TRAF2: variants seen among roughly 807,000 people sequenced by gnomAD.
The protein encoded by TRAF2 is TNF receptor associated factor 2.
TRAF2 carries 6 observed loss-of-function variants against 55.6 expected under a neutral mutation model. The ratio of observed to expected loss-of-function variants is 0.11; its 90% CI spans 0.06 to 0.21. TRAF2 has a LOEUF of 0.21. Among genes scored for constraint, TRAF2 ranks in the 10% least tolerant of loss-of-function variants. The pLI is 1.00. For missense variants in TRAF2, 561 were observed against 684.5 expected, an observed-to-expected ratio of 0.82 and a Z score of 2.01; for synonymous variants, 329 against 276.3, an observed-to-expected ratio of 1.19 and a Z score of -1.89.
rs890838749 is a variant in TRAF2, at chr9:136,921,279, C to T, written c.1138+64C>T. The T allele has an allele frequency of 6.3e-6, 10 of 1,594,612 alleles. No individual in the cohort carries two copies. The South Asian group carries it at 8.9e-5, about 14-fold the overall frequency. ...TTACTTGGCACCTGGGTCCCCTCACCCCTGTGACCACATAGGATGGCTCCC... is the reference window on the plus strand; with the variant it reads ...TTACTTGGCACCTGGGTCCCCTCACTCCTGTGACCACATAGGATGGCTCCC... On this transcript the variant is annotated intron_variant, in intron 9 of 10. Transcript: ENST00000247668.
At chr9:136,925,509 G>A (rs552584273) in intron 10 of TRAF2, among the ~76,000 whole-genome samples, 174 bp from the exon 11 acceptor site, 19 of 151,508 alleles carry the variant, frequency 1.3e-4, no homozygotes, top group South Asian at 6.2e-4. Flanking sequence ...TGGGGAGCCC[G>A]GGCGCTGTGG....
intron 1 of TRAF2, among the ~76,000 whole-genome samples, chr9:136,898,240 CA>C (rs1849731417): frequency 6.6e-6 from 1 of 152,224 alleles, no homozygotes; most frequent in Non-Finnish European, 1.5e-5. Context: ...TGCCAGCAGG[CA>C]GGCGTCTCCT....
intron 1 of TRAF2, among the ~76,000 whole-genome samples, chr9:136,890,040 C>G (rs1162578216): frequency 1.4e-4 from 19 of 138,438 alleles, no homozygotes; most frequent in Admixed American, 9.7e-4. Context: ...TGTGTGAGTC[C>G]CCCCCGCACG....
intron 1 of TRAF2, among the ~76,000 whole-genome samples, chr9:136,890,808 G>A (rs1019767253): frequency 6.6e-6 from 1 of 152,222 alleles, no homozygotes; most frequent in Non-Finnish European, 1.5e-5. Context: ...CTGGGGTTGT[G>A]TTTTCATTTG....
rs1850373159 is a variant in TRAF2, at chr9:136,921,070, G to A, written c.993G>A (p.Lys331=). ...AGCTGGAGAGGAGCATTGGCCTCAA[G>A]GACCTGGCGATGGCTGACTTGGAGC... ...VQQLERSIGL[K]DLAMADLEQK... is the part of the protein sequence containing the mutation. Residue 331 remains lysine (K), a synonymous_variant, in exon 9 of 11, where the codon AAG becomes AAA. Coordinates refer to ENST00000247668, the MANE Select transcript of TRAF2 (RefSeq NM_021138.4). The A allele has an allele frequency of 6.2e-7, 1 of 1,614,050 alleles. No individual in the cohort carries two copies. The highest frequency in any genetic ancestry group is 8.5e-7 in the Non-Finnish European group (1 of 1,180,006).
intron 5 of TRAF2, among the ~76,000 whole-genome samples, chr9:136,909,024 G>A (rs6560650): frequency 6.6e-6 from 1 of 150,448 alleles, no homozygotes; most frequent in African/African-American, 2.4e-5. Context: ...GGCAACAGAG[G>A]AAGACTCTGT....
intron 4 of TRAF2, among the ~76,000 whole-genome samples, chr9:136,907,598 C>G (rs1248814284): frequency 6.6e-6 from 1 of 152,216 alleles, no homozygotes; most frequent in Non-Finnish European, 1.5e-5. Flanking sequence ...CGTGCGTGTT[C>G]CCTACCTCTT....
In TRAF2 at chr9:136,921,230, C is replaced by T. The variant is rs777815726; in HGVS notation, c.1138+15C>T. 2 of 1,612,858 alleles carry T rather than the reference C, an allele frequency of 1.2e-6. No individual in the cohort carries two copies. Among genetic ancestry groups the T allele is most frequent in the East Asian group, 2.2e-5 (1 of 44,876 alleles). Reference sequence around the variant, plus strand: ...CTTCTCCCCAGGTGTGGTTCTAGGACCCCCACCTCACTGCAGCTGCTGTTT... The same window carrying T: ...CTTCTCCCCAGGTGTGGTTCTAGGATCCCCACCTCACTGCAGCTGCTGTTT... On this transcript the variant is annotated intron_variant, in intron 9 of 10. Transcript: ENST00000247668.
At chr9:136,925,635 G>C (rs1400962344) in intron 10 of TRAF2, 48 bp from the exon 11 acceptor site, 2 of 1,593,120 alleles carry the variant, frequency 1.3e-6, no homozygotes, top group Non-Finnish European at 1.7e-6. Flanking sequence ...GAGCCAGAGA[G>C]AGACGGCCCA....
intron 1 of TRAF2, among the ~76,000 whole-genome samples, chr9:136,894,047 C>CTTTTTT (rs11415604): frequency 8.6e-6 from 1 of 116,834 alleles, no homozygotes; most frequent in Non-Finnish European, 1.7e-5. Flanking sequence ...TGCGCCTGGC[C>CTTTTTT]TTTTTTTTTT....
intron 1 of TRAF2, 142 bp from the exon 2 acceptor site, chr9:136,898,571 G>A: frequency 2.5e-5 from 36 of 1,449,456 alleles, no homozygotes; most frequent in Non-Finnish European, 3.2e-5. Context: ...GAAGCTCTGC[G>A]ATTCTGCTTC....
intron 5 of TRAF2, among the ~76,000 whole-genome samples, chr9:136,909,070 AAAG>A (rs1158174056): frequency 1.3e-5 from 2 of 152,032 alleles, no homozygotes; most frequent in Non-Finnish European, 2.9e-5. Context: ...ATTTTTAAAA[AAAG>A]TTTGTTTTTA....
At chr9:136,916,383 C>T (rs758073511) in intron 6 of TRAF2, among the ~76,000 whole-genome samples, 158 bp from the exon 7 acceptor site, 8 of 151,956 alleles carry the variant, frequency 5.3e-5, no homozygotes, top group East Asian at 3.9e-4. Context: ...GTGAGCGTGT[C>T]GCTTTGGAAA....
intron 6 of TRAF2, among the ~76,000 whole-genome samples, chr9:136,914,386 A>G (rs895013816): frequency 6.6e-6 from 1 of 152,054 alleles, no homozygotes; most frequent in Non-Finnish European, 1.5e-5. Flanking sequence ...TGTGGTGGAA[A>G]TTTCTGAGCC....
upstream of TRAF2, chr9:136,882,727 C>T: frequency 1.0e-6 from 1 of 985,580 alleles, no homozygotes; most frequent in Non-Finnish European, 1.2e-6. Context: ...CACCCCTTTC[C>T]AGCCAGCAAA....
At chr9:136,899,737 G>T in intron 3 of TRAF2, 65 bp downstream of exon 3, 1 of 1,491,560 alleles carries the variant, frequency 6.7e-7, no homozygotes, top group South Asian at 1.1e-5. Flanking sequence ...TTTACAACAT[G>T]GGTGGGGCTG....
intron 9 of TRAF2, among the ~76,000 whole-genome samples, chr9:136,923,503 CAGG>C (rs1408905793): frequency 2.7e-5 from 4 of 150,130 alleles, no homozygotes; most frequent in African/African-American, 9.8e-5. Flanking sequence ...CTCAGCTACT[CAGG>C]AGGCTGAGGC....
chr9:136,907,893 G>T (rs1334779977), intron 4 of TRAF2, among the ~76,000 whole-genome samples, 177 bp from the exon 5 acceptor site: 1 of 151,846 alleles, frequency 6.6e-6, no homozygotes. Context: ...ACACTGATCT[G>T]ATCTCCTCCT....
Position 136,900,441 on chromosome 9 carries a change from C to T in TRAF2, c.287C>T (p.Ala96Val). The T allele has an allele frequency of 6.2e-7, 1 of 1,606,042 alleles. No individual in the cohort carries two copies. Among genetic ancestry groups the T allele is most frequent in the Non-Finnish European group, 8.5e-7 (1 of 1,175,090 alleles). Reference sequence around the variant, plus strand: ...CCCCAGGCCTTCCCAGATAATGCTGCCCGCAGGGAGGTGGAGAGCCTGCCG... The same window carrying T: ...CCCCAGGCCTTCCCAGATAATGCTGTCCGCAGGGAGGTGGAGAGCCTGCCG... ...ESSSAFPDNA[A>V]RREVESLPAV... The change falls in exon 4 of 11, where the codon GCC (alanine) becomes GTC (valine). Residue 96 changes from alanine to valine, a missense_variant. Around this residue, in one of 2 missense-constraint regions of TRAF2, gnomAD observed 426 missense variants for 476.8 expected, o/e 0.89. Transcript: ENST00000247668.
Sources: gnomAD v4.1 joint callset for allele counts (sites outside exome capture counted in the v4.1 genomes callset) on GRCh38, gnomAD v4.1.1 for gene constraint, gnomAD v4.1.1 regional missense constraint, MANE v1.5 for transcripts, NCBI Gene and HGNC (gene_info 2026-07-23, HGNC 2026-07-21) for gene names.